Variants in GALK2 observed in about 807,000 individuals in gnomAD.
GALK2 encodes the protein N-acetylgalactosamine kinase.
Under a neutral mutation model 52.4 loss-of-function variants are expected in GALK2, and 36 were observed. That is an observed-to-expected ratio of 0.69 (90% confidence interval 0.53 to 0.91). The LOEUF (loss-of-function observed/expected upper bound fraction) is 0.91, where lower values mean the gene tolerates loss of function less well. GALK2 is among the 40% of genes least tolerant of loss of function. GALK2 has a pLI of 0.00. For synonymous variants in GALK2, 176 were observed against 199.1 expected (o/e 0.88, Z 0.98); for missense variants, 579 against 559.1 (o/e 1.04, Z -0.36).
At chr15:49,366,694 G>A (rs1170662330) in intron 3 of GALK2, 9 of 1,427,886 alleles carry the variant, frequency 6.3e-6, no homozygotes, top group Non-Finnish European at 8.8e-6. Flanking sequence ...TCGGACTGGT[G>A]GGTGGCGGGT....
chr15:49,214,794 A>G (rs1314811468), intron 2 of GALK2, among the ~76,000 whole-genome samples: 7 of 152,206 alleles, frequency 4.6e-5, no homozygotes, highest in Admixed American at 3.3e-4. Flanking sequence ...GTATTCATTC[A>G]TCTGTTCATT....
Position 49,327,952 on chromosome 15 carries a change from G to GAAGT in GALK2, c.1171_1174dup (p.Phe392Ter). On this transcript the variant is annotated frameshift_variant and splice_region_variant, in exon 10 of 10. Coordinates refer to ENST00000560031, the MANE Select transcript of GALK2 (RefSeq NM_002044.4). LOFTEE classifies it high-confidence loss of function. Reference sequence around the variant, plus strand: ...AATATTTTTTTCCTCACTGTTTTAGGAAGTTTGGGGCTCAAGGGTCACGAC... The same window carrying GAAGT: ...AATATTTTTTTCCTCACTGTTTTAGGAAGTAAGTTTGGGGCTCAAGGGTCACGAC... 1 of 1,606,154 alleles carries GAAGT rather than the reference G, an allele frequency of 6.2e-7. No individual in the cohort carries two copies. The highest frequency in any genetic ancestry group is 8.5e-7 in the Non-Finnish European group (1 of 1,175,446).
At chr15:49,360,897 C>T (rs2044105344) in intron 3 of GALK2, among the ~76,000 whole-genome samples, 1 of 152,076 alleles carries the variant, frequency 6.6e-6, no homozygotes, top group African/African-American at 2.4e-5. Context: ...CCCTCCAGTC[C>T]TCTCCATACA....
Position 49,328,571 on chromosome 15 carries a change from G to A in GALK2, c.*412G>A. 1 of 1,604,348 alleles carries A rather than the reference G, an allele frequency of 6.2e-7. No homozygotes were observed. The highest frequency in any genetic ancestry group is 8.5e-7 in the Non-Finnish European group (1 of 1,173,580). ...TAGAGTTCATTTCTGGTTTCTCTTA[G>A]TATTCTTCTTCCTCAAAGTTGTAGT... On this transcript the variant is annotated 3_prime_UTR_variant, in exon 10 of 10. Coordinates refer to ENST00000560031, the MANE Select transcript of GALK2 (RefSeq NM_002044.4).
chr15:49,160,710 A>T (rs560883493), intron 1 of GALK2, among the ~76,000 whole-genome samples: 25 of 152,162 alleles, frequency 1.6e-4, no homozygotes, highest in African/African-American at 5.3e-4. Flanking sequence ...TAAAAATACA[A>T]AATACAAAAA....
chr15:49,271,387 C>T (rs1228084942), intron 5 of GALK2, among the ~76,000 whole-genome samples: 4 of 152,064 alleles, frequency 2.6e-5, no homozygotes, highest in Admixed American at 6.6e-5. Flanking sequence ...CCTGTGTTTT[C>T]TAAGAATTTA....
intron 1 of GALK2, among the ~76,000 whole-genome samples, chr15:49,173,339 C>T (rs1304308097): frequency 6.6e-6 from 1 of 152,136 alleles, no homozygotes; most frequent in Admixed American, 6.6e-5. Context: ...TGGGTTGCTT[C>T]TATCTTTTGG....
intron 3 of GALK2, among the ~76,000 whole-genome samples, chr15:49,359,217 C>G (rs952815753): frequency 4.1e-5 from 6 of 144,998 alleles, no homozygotes; most frequent in Non-Finnish European, 7.6e-5. Flanking sequence ...GCAACGGCAA[C>G]AAAAGACAAA....
intron 3 of GALK2, among the ~76,000 whole-genome samples, chr15:49,361,044 G>T (rs1172911470): frequency 6.6e-6 from 1 of 152,000 alleles, no homozygotes; most frequent in Non-Finnish European, 1.5e-5. Flanking sequence ...GGGAGGTTTT[G>T]GTTAAAGAGG....
At chr15:49,168,640 C>A (rs547880584), upstream of GALK2, among the ~76,000 whole-genome samples, 1 of 151,568 alleles carries the variant, frequency 6.6e-6, no homozygotes, top group African/African-American at 2.4e-5. Flanking sequence ...ATCGTTTGAA[C>A]CTGGGAGGTG....
chr15:49,170,394 C>A lies in GALK2; in HGVS notation c.53+19C>A. 1 of 1,576,702 alleles carries A rather than the reference C, an allele frequency of 6.3e-7. No homozygotes were observed. The stretch of plus-strand genomic sequence containing the variant: ...ATCCTAGGTGGGGGAGAGGAGACGC[C>A]GGGCTTTGGGATCTGCTGGGTTGGC... On this transcript the variant is annotated intron_variant, in intron 1 of 9. Coordinates refer to ENST00000560031, the MANE Select transcript of GALK2 (RefSeq NM_002044.4).
chr15:49,346,550 C>T (rs2041533677), intron 3 of GALK2, among the ~76,000 whole-genome samples: 1 of 152,076 alleles, frequency 6.6e-6, no homozygotes, highest in South Asian at 2.1e-4. Flanking sequence ...TTTGCAAAAC[C>T]TGTGTCACAG....
In GALK2 at chr15:49,328,026, A is replaced by G. The variant is rs2151114015; in HGVS notation, c.1244A>G (p.Asp415Gly). ...GGCTVSMVPA[D>G]KLPSFLANVH... ...TGCACAGTATCAATGGTACCTGCGGACAAGCTGCCCAGCTTTCTAGCAAAT... is the reference window on the plus strand; with the variant it reads ...TGCACAGTATCAATGGTACCTGCGGGCAAGCTGCCCAGCTTTCTAGCAAAT... The change falls in exon 10 of 10, where the codon GAC becomes GGC. Residue 415 changes from aspartate (D) to glycine (G), a missense_variant. Physicochemically the swap from Asp to Gly is moderately conservative, Grantham distance 94 (BLOSUM62 -1). Transcript: ENST00000560031. 6.2e-7 allele frequency: 1 copy of G among 1,614,034 alleles called. No individual in the cohort carries two copies.
At chr15:49,327,770 A>G in intron 9 of GALK2, 182 bp from the exon 10 acceptor site, 1 of 516,466 alleles carries the variant, frequency 1.9e-6, no homozygotes, top group Non-Finnish European at 3.3e-6. Flanking sequence ...CAATGAAAAA[A>G]TTCCAAATCA....
chr15:49,339,741 C>T (rs1297569524), intron 3 of GALK2, among the ~76,000 whole-genome samples: 2 of 152,206 alleles, frequency 1.3e-5, no homozygotes, highest in Non-Finnish European at 2.9e-5. Context: ...CCTTGCCCCA[C>T]GTGCTCTGTC....
At chr15:49,168,097 C>G (rs1342849805), upstream of GALK2, among the ~76,000 whole-genome samples, 1 of 152,162 alleles carries the variant, frequency 6.6e-6, no homozygotes, top group Non-Finnish European at 1.5e-5. Flanking sequence ...TCCTGTTTTA[C>G]TTTGTGCCAA....
At chr15:49,364,863 T>A (rs2044858023) in intron 3 of GALK2, among the ~76,000 whole-genome samples, 1 of 152,000 alleles carries the variant, frequency 6.6e-6, no homozygotes, top group Non-Finnish European at 1.5e-5. Flanking sequence ...TTTTTTTTTT[T>A]AAGAAAAATA....
intron 3 of GALK2, among the ~76,000 whole-genome samples, chr15:49,340,386 G>A (rs1351501500): frequency 6.7e-6 from 1 of 149,956 alleles, no homozygotes; most frequent in African/African-American, 2.5e-5. Context: ...TGTGCTTCCT[G>A]GGTGAGGCAG....
chr15:49,164,846 G>T (rs1179729809), intron 1 of GALK2, among the ~76,000 whole-genome samples: 1 of 151,140 alleles, frequency 6.6e-6, no homozygotes, highest in African/African-American at 2.4e-5. Flanking sequence ...TTTAAATTGG[G>T]GCAATTTATC....
Sources: gnomAD v4.1 joint callset for allele counts (sites outside exome capture counted in the v4.1 genomes callset) on GRCh38, gnomAD v4.1.1 for gene constraint, MANE v1.5 for transcripts, NCBI Gene and HGNC (gene_info 2026-07-23, HGNC 2026-07-21) for gene names.